The following TMEM126A variants were observed in gnomAD, a reference collection of about 807,000 sequenced individuals.
The protein encoded by TMEM126A is transmembrane protein 126A, also known as optic atrophy 7.
Under a neutral mutation model 18.3 loss-of-function variants are expected in TMEM126A, and 10 were observed. The observed-to-expected ratio is 0.55, with a 90% CI of 0.34 to 0.93. The LOEUF is 0.93. Ranked by LOEUF, TMEM126A falls within the 40% of genes least tolerant of loss-of-function variation. The pLI, the probability that TMEM126A is intolerant of heterozygous loss-of-function variation, is 0.02. For missense variants in TMEM126A, 246 were observed against 230.2 expected (o/e 1.07, Z -0.44); for synonymous variants, 68 against 78.1 (o/e 0.87, Z 0.68).
chr11:85,654,475 G>T (rs574497310), intron 3 of TMEM126A, among the ~76,000 whole-genome samples: 1 of 152,138 alleles, frequency 6.6e-6, no homozygotes, highest in Non-Finnish European at 1.5e-5. Context: ...AATTGAGATG[G>T]AGTTTTGCTC....
intron 1 of TMEM126A, among the ~76,000 whole-genome samples, chr11:85,648,816 A>T (rs1416683091): frequency 6.6e-6 from 1 of 152,140 alleles, no homozygotes; most frequent in East Asian, 1.9e-4. Flanking sequence ...TTTCCAAATG[A>T]CCTCTTATCG....
At chr11:85,648,398 C>T (rs1364606393) in intron 1 of TMEM126A, among the ~76,000 whole-genome samples, 1 of 152,228 alleles carries the variant, frequency 6.6e-6, no homozygotes, top group Non-Finnish European at 1.5e-5. Context: ...AGGCCCCACA[C>T]TGCCTATCTC....
chr11:85,655,615 G>A lies in TMEM126A; in HGVS notation c.302G>A (p.Cys101Tyr). 6.2e-7 allele frequency: 1 copy of A among 1,613,500 alleles called. No individual in the cohort carries two copies. Among genetic ancestry groups the A allele is most frequent in the East Asian group, 2.2e-5 (1 of 44,818 alleles). ...CTAGGTGATTTGGATTGTGAAACCT[G>A]TACCATAACACGGAGTGGACTGACT... is the stretch of plus-strand genomic sequence containing the variant. ...LNTGDLDCET[C>Y]TITRSGLTGL... Residue 101 changes from cysteine to tyrosine, a missense_variant, in exon 4 of 5, where the codon TGT (cysteine) becomes TAT (tyrosine). Physicochemically the swap from Cys to Tyr is radical, Grantham distance 194 (BLOSUM62 -2). Transcript: ENST00000304511.
intron 2 of TMEM126A, among the ~76,000 whole-genome samples, chr11:85,653,214 T>C (rs1357138552): frequency 1.3e-5 from 2 of 152,180 alleles, no homozygotes; most frequent in African/African-American, 4.8e-5. Context: ...TCTCAATGAG[T>C]GACAGGCATC....
chr11:85,652,558 G>A (rs2082508690), intron 2 of TMEM126A, among the ~76,000 whole-genome samples: 1 of 152,084 alleles, frequency 6.6e-6, no homozygotes, highest in Admixed American at 6.5e-5. Context: ...TCTTGTGTAT[G>A]TCTTATCAAA....
At position 85,648,559 on chromosome 11, in the gene TMEM126A, C is replaced by G. The variant is rs2082477455; in HGVS notation, c.-8+470C>G. 2.6e-5 allele frequency among the ~76,000 whole-genome samples: 4 copies of G among 152,222 alleles called. No homozygotes were observed. The South Asian group carries it at 8.3e-4, about 32-fold the overall frequency. ...AGGGGCTGCCCAGTCAGCACTTATA[C>G]TGAATTGAGTGACTTAATTGCCCTC... On this transcript the variant is annotated intron_variant, in intron 1 of 4. Coordinates refer to ENST00000304511, the MANE Select transcript of TMEM126A (RefSeq NM_032273.4).
chr11:85,651,329 A>T (rs2082498533), intron 2 of TMEM126A, among the ~76,000 whole-genome samples: 1 of 152,180 alleles, frequency 6.6e-6, no homozygotes, highest in Non-Finnish European at 1.5e-5. Context: ...ATTGTTACCG[A>T]AGTACTAAGG....
intron 2 of TMEM126A, among the ~76,000 whole-genome samples, chr11:85,650,681 G>T (rs1291303957): frequency 6.6e-6 from 1 of 152,084 alleles, no homozygotes; most frequent in Non-Finnish European, 1.5e-5. Context: ...AGTTCATTCT[G>T]TCAGTATGCT....
intron 2 of TMEM126A, among the ~76,000 whole-genome samples, chr11:85,651,372 C>T (rs2082498750): frequency 6.6e-6 from 1 of 152,120 alleles, no homozygotes; most frequent in Non-Finnish European, 1.5e-5. Flanking sequence ...TAGTTTTGAG[C>T]AGGGGGATGA....
At position 85,650,275 on chromosome 11, in the gene TMEM126A, A is replaced by G. The variant is rs768503384; in HGVS notation, c.20A>G (p.Asn7Ser). 2.8e-5 allele frequency: 45 copies of G among 1,600,558 alleles called. No homozygotes were observed. The Admixed American group carries it at 3.3e-4, about 12-fold the overall frequency. MENHKSNNKENITIVDI... is the reference protein window; with the variant it reads MENHKSSNKENITIVDI... ...CTCAAAATGGAAAATCATAAATCCA[A>G]TAATAAGGAAAACATAACAATTGTT... Residue 7 changes from asparagine to serine, a missense_variant, in exon 2 of 5, where the codon AAT (asparagine) becomes AGT (serine). Physicochemically the swap from Asn to Ser is conservative, Grantham distance 46. Coordinates refer to ENST00000304511, the MANE Select transcript of TMEM126A (RefSeq NM_032273.4).
chr11:85,651,859 GA>G (rs1484634070), intron 2 of TMEM126A, among the ~76,000 whole-genome samples: 1 of 152,122 alleles, frequency 6.6e-6, no homozygotes, highest in East Asian at 1.9e-4. Flanking sequence ...GGGAAAGTGA[GA>G]AAGACTAATA....
At chr11:85,652,576 G>T (rs2082508941) in intron 2 of TMEM126A, among the ~76,000 whole-genome samples, 1 of 152,134 alleles carries the variant, frequency 6.6e-6, no homozygotes, top group Non-Finnish European at 1.5e-5. Flanking sequence ...AAAAAGTCAT[G>T]AGTTTTTAGT....
intron 2 of TMEM126A, among the ~76,000 whole-genome samples, chr11:85,652,792 C>T (rs1431669075): frequency 6.6e-6 from 1 of 151,354 alleles, no homozygotes; most frequent in African/African-American, 2.4e-5. Flanking sequence ...TTATATATAA[C>T]ATGTATATAT....
Position 85,656,529 on chromosome 11 carries a change from A to C in TMEM126A, c.*28A>C, listed in dbSNP as rs752982067. ...TTAAACAAATATGTAAACAAAAATA[A>C]AATGGTAAAAACAGTTTATGTCTAA... On this transcript the variant is annotated 3_prime_UTR_variant, in exon 5 of 5. Transcript: ENST00000304511. The C allele has an allele frequency of 1.9e-6, 3 of 1,572,488 alleles. No individual in the cohort carries two copies. The Admixed American group carries it at 5.1e-5, about 27-fold the overall frequency.
intron 4 of TMEM126A, 71 bp downstream of exon 4, chr11:85,655,779 T>C: frequency 8.2e-7 from 1 of 1,222,018 alleles, no homozygotes; most frequent in East Asian, 2.3e-5. Context: ...GCAAATATAT[T>C]TTGTTTTTAA....
rs146471338 is a variant in TMEM126A, at chr11:85,651,201, T to C, written c.86+860T>C. On this transcript the variant is annotated intron_variant, in intron 2 of 4. Transcript: ENST00000304511. ...TTGTTGACAGTCAAGAAGGTCTCTC[T>C]GACTATAAAAGGATGAAAAGCAGCC... Among the ~76,000 whole-genome samples, 27 of 152,160 alleles carry C rather than the reference T, an allele frequency of 1.8e-4. 1 individual carries two copies. The East Asian group carries it at 5.2e-3, about 29-fold the overall frequency.
intron 3 of TMEM126A, 62 bp from the exon 4 acceptor site, chr11:85,655,532 T>C: frequency 2.5e-6 from 3 of 1,207,736 alleles, no homozygotes; most frequent in Non-Finnish European, 3.7e-6. Context: ...GATCTTACAT[T>C]CTTTAAATCA....
intron 3 of TMEM126A, among the ~76,000 whole-genome samples, chr11:85,654,581 A>G (rs1419776456): frequency 6.6e-6 from 1 of 151,996 alleles, no homozygotes; most frequent in African/African-American, 2.4e-5. Flanking sequence ...CCTCCTGAGT[A>G]GCTGGGATTA....
intron 1 of TMEM126A, among the ~76,000 whole-genome samples, chr11:85,648,365 C>T (rs543162409): frequency 7.9e-4 from 120 of 152,314 alleles, no homozygotes; most frequent in Non-Finnish European, 1.3e-3. Flanking sequence ...TTTCAGAGGT[C>T]CCACTTTACT....
Sources: allele counts gnomAD v4.1 joint callset (sites outside exome capture counted in the v4.1 genomes callset), GRCh38; gene constraint gnomAD v4.1.1; transcripts MANE v1.5; gene names NCBI Gene and HGNC (gene_info 2026-07-23, HGNC 2026-07-21).